FSTL5: variants seen among roughly 807,000 people sequenced by gnomAD.
FSTL5 encodes the protein follistatin-related protein 5.
Under a neutral mutation model 89.1 loss-of-function variants are expected in FSTL5, and 62 were observed. The observed-to-expected ratio is 0.70, with a 90% CI of 0.57 to 0.86. The LOEUF is 0.86. Among genes scored for constraint, FSTL5 ranks in the 40% least tolerant of loss-of-function variants. The pLI is 0.00. For missense variants in FSTL5, 1,057 were observed against 1,001.6 expected (o/e 1.06, Z -0.75); for synonymous variants, 383 against 346.2 (o/e 1.11, Z -1.18).
At chr4:162,055,297 A>G (rs999279337) in intron 2 of FSTL5, among the ~76,000 whole-genome samples, 1 of 151,768 alleles carries the variant, frequency 6.6e-6, no homozygotes, top group Non-Finnish European at 1.5e-5. Context: ...AATTTGATCA[A>G]TATATACAAA....
chr4:161,977,601 A>T (rs1735686214), intron 3 of FSTL5, among the ~76,000 whole-genome samples: 1 of 134,114 alleles, frequency 7.5e-6, no homozygotes. Flanking sequence ...CGACACAGCG[A>T]GACTCCGTGT....
At chr4:161,535,329 G>A (rs1219973583) in intron 10 of FSTL5, among the ~76,000 whole-genome samples, 1 of 152,022 alleles carries the variant, frequency 6.6e-6, no homozygotes, top group Non-Finnish European at 1.5e-5. Context: ...TGTAAACTAT[G>A]CAAGCAATAA....
chr4:161,676,490 C>T (rs577506367), intron 6 of FSTL5, among the ~76,000 whole-genome samples: 41 of 151,970 alleles, frequency 2.7e-4, no homozygotes, highest in African/African-American at 9.6e-4. Context: ...ACATCACACA[C>T]CGGGGCCTGT....
intron 7 of FSTL5, among the ~76,000 whole-genome samples, chr4:161,615,293 C>CAAAAAAAAAAAAAAAAAAAAAAA (rs1203046031): frequency 7.6e-5 from 2 of 26,464 alleles, no homozygotes; most frequent in Admixed American, 5.3e-4. Context: ...GACTCTGTCT[C>CAAAAAAAAAAAAAAAAAAAAAAA]AAAAAAAAAA....
chr4:162,000,751 A>C (rs2111104779), intron 3 of FSTL5, among the ~76,000 whole-genome samples: 1 of 152,306 alleles, frequency 6.6e-6, no homozygotes, highest in South Asian at 2.1e-4. Flanking sequence ...TGTATTACTA[A>C]AAGAAATGCT....
At chr4:161,429,244 G>T (rs1732271027) in intron 15 of FSTL5, among the ~76,000 whole-genome samples, 1 of 152,242 alleles carries the variant, frequency 6.6e-6, no homozygotes, top group African/African-American at 2.4e-5. Flanking sequence ...CTAGACCCTG[G>T]CTCTCAGATG....
intron 4 of FSTL5, among the ~76,000 whole-genome samples, chr4:161,782,612 T>G (rs1409092881): frequency 6.6e-6 from 1 of 152,172 alleles, no homozygotes; most frequent in East Asian, 1.9e-4. Context: ...AAATAAAAAG[T>G]GAGTGAAAAC....
intron 3 of FSTL5, among the ~76,000 whole-genome samples, chr4:161,958,126 C>T (rs1735074634): frequency 6.6e-6 from 1 of 151,982 alleles, no homozygotes; most frequent in South Asian, 2.1e-4. Flanking sequence ...GTTTATTCTT[C>T]CACTGTATCT....
rs543782870 is a variant in FSTL5, at chr4:161,860,204, C to A, written c.409+60200G>T. On this transcript the variant is annotated intron_variant, in intron 4 of 15. Coordinates refer to ENST00000306100, the MANE Select transcript of FSTL5 (RefSeq NM_020116.5). ...TCGGGAGGCTGAGGCAGGAGAATGGCGTGAACCCGGGAGGCGGAGCTTGCA... is the reference window on the plus strand; with the variant it reads ...TCGGGAGGCTGAGGCAGGAGAATGGAGTGAACCCGGGAGGCGGAGCTTGCA... 1.7e-3 allele frequency among the ~76,000 whole-genome samples: 257 copies of A among 152,148 alleles called. 3 individuals are homozygous for A. The highest frequency in any genetic ancestry group is 0.014 in the South Asian group (69 of 4,820).
At chr4:161,509,433 T>C (rs76975171) in intron 11 of FSTL5, among the ~76,000 whole-genome samples, 2,573 of 152,278 alleles carry the variant, frequency 0.017, 66 homozygotes, top group African/African-American at 0.058. Flanking sequence ...TATACCAGAA[T>C]TTCTTTAATA....
At chr4:161,536,025 G>A (rs551449666) in intron 10 of FSTL5, among the ~76,000 whole-genome samples, 1 of 152,166 alleles carries the variant, frequency 6.6e-6, no homozygotes, top group Non-Finnish European at 1.5e-5. Flanking sequence ...TTATAAGTAG[G>A]AGCTAAACAT....
chr4:161,591,259 C>G (rs1053542224), intron 7 of FSTL5, among the ~76,000 whole-genome samples: 1 of 152,146 alleles, frequency 6.6e-6, no homozygotes. Flanking sequence ...CCAGAATGAG[C>G]ATATCCATAG....
At chr4:161,739,860 A>T (rs1739944998) in intron 6 of FSTL5, among the ~76,000 whole-genome samples, 1 of 151,772 alleles carries the variant, frequency 6.6e-6, no homozygotes, top group South Asian at 2.1e-4. Context: ...AGTAAAAAAA[A>T]AAATTGTTGA....
chr4:161,633,293 TA>T (rs1214944330), intron 7 of FSTL5, among the ~76,000 whole-genome samples: 12 of 107,540 alleles, frequency 1.1e-4, no homozygotes, highest in Non-Finnish European at 2.2e-4. Flanking sequence ...TAATTCTTTT[TA>T]TTATTATTAT....
Position 161,542,685 on chromosome 4 carries a change from C to A in FSTL5, c.1024G>T (p.Val342Phe). 1 of 1,453,892 alleles carries A rather than the reference C, an allele frequency of 6.9e-7. No individual in the cohort carries two copies. Among genetic ancestry groups the A allele is most frequent in the Non-Finnish European group, 9.1e-7 (1 of 1,097,902 alleles). 90.1% of individuals were successfully genotyped at this position (1,453,892 alleles called of 1,614,324 possible). ...TGACTCTCTGGATACACCCGGATGA[C>A]TGGAGGAACTAAAGGAAAAAATGAA... is the stretch of plus-strand genomic sequence containing the variant. Reference protein sequence around the residue: ...THIFQVNVPPVIRVYPESQAR... With the variant: ...THIFQVNVPPFIRVYPESQAR... The change falls in exon 9 of 16, where the codon GTC (valine) becomes TTC (phenylalanine). Residue 342 changes from valine (V) to phenylalanine (F), a missense_variant. Coordinates refer to ENST00000306100, the MANE Select transcript of FSTL5 (RefSeq NM_020116.5).
chr4:161,617,951 A>G (rs1734957770), intron 7 of FSTL5, among the ~76,000 whole-genome samples: 1 of 152,158 alleles, frequency 6.6e-6, no homozygotes, highest in Non-Finnish European at 1.5e-5. Context: ...CTTCCTACCC[A>G]TGAGCATGGA....
At chr4:161,929,893 G>C (rs1477537268) in intron 3 of FSTL5, among the ~76,000 whole-genome samples, 1 of 151,556 alleles carries the variant, frequency 6.6e-6, no homozygotes, top group Non-Finnish European at 1.5e-5. Context: ...CAGAGTGCTG[G>C]ACTAAATGAT....
At chr4:161,604,536 G>A (rs1734369644) in intron 7 of FSTL5, among the ~76,000 whole-genome samples, 1 of 152,116 alleles carries the variant, frequency 6.6e-6, no homozygotes, top group Non-Finnish European at 1.5e-5. Context: ...TACTCCCAAG[G>A]AACAGGCTCT....
intron 15 of FSTL5, among the ~76,000 whole-genome samples, chr4:161,449,717 G>A (rs60337670): frequency 0.018 from 2,778 of 152,166 alleles, 85 homozygotes; most frequent in African/African-American, 0.063. Context: ...ACAAAGTGCA[G>A]GTTATACATA....
Sources: gnomAD v4.1 joint callset for allele counts (sites outside exome capture counted in the v4.1 genomes callset) on GRCh38, gnomAD v4.1.1 for gene constraint, MANE v1.5 for transcripts, NCBI Gene and HGNC (gene_info 2026-07-23, HGNC 2026-07-21) for gene names.